NEDD4L: variants seen among roughly 807,000 people sequenced by gnomAD.
The protein encoded by NEDD4L is NEDD4 like E3 ubiquitin protein ligase, also known as E3 ubiquitin-protein ligase NEDD4-like.
A neutral mutation model predicts 148.9 loss-of-function variants in NEDD4L; 54 were observed. The observed-to-expected ratio is 0.36, with a 90% CI of 0.29 to 0.45. The LOEUF (loss-of-function observed/expected upper bound fraction) is 0.45. NEDD4L is among the 20% of genes least tolerant of loss of function. The probability of loss-of-function intolerance (pLI) is 1.00; values close to 1 mark genes in which losing one functional copy is unlikely to be tolerated. For missense variants in NEDD4L, 856 were observed against 1,233.8 expected, an observed-to-expected ratio of 0.69 and a Z score of 4.59; for synonymous variants, 433 against 440.7, an observed-to-expected ratio of 0.98 and a Z score of 0.22.
chr18:58,231,496 T>G (rs1313243593), intron 2 of NEDD4L, among the ~76,000 whole-genome samples: 1 of 152,044 alleles, frequency 6.6e-6, no homozygotes, highest in Non-Finnish European at 1.5e-5. Flanking sequence ...CTGAGCACCC[T>G]GAAAACTGTG....
At chr18:58,242,587 A>C (rs1600147775) in intron 2 of NEDD4L, among the ~76,000 whole-genome samples, 1 of 150,114 alleles carries the variant, frequency 6.7e-6, no homozygotes, top group African/African-American at 2.5e-5. Context: ...TGCAGCCTCC[A>C]CCTCCCAGGC....
intron 11 of NEDD4L, among the ~76,000 whole-genome samples, chr18:58,331,143 C>T (rs188030939): frequency 6.6e-6 from 1 of 152,250 alleles, no homozygotes; most frequent in African/African-American, 2.4e-5. Flanking sequence ...ACCCTTATAC[C>T]ACTAACACTT....
rs200735273 is a variant in NEDD4L, at chr18:58,254,559, C to T, written c.297+2505C>T. 3.3e-5 allele frequency among the ~76,000 whole-genome samples: 3 copies of T among 90,476 alleles called. No individual in the cohort carries two copies. The East Asian group carries it at 8.2e-4, about 25-fold the overall frequency. The allele number at this position is 90,476 out of a possible 152,430, so 59.4% of individuals were successfully genotyped here. On this transcript the variant is annotated intron_variant, in intron 5 of 30. Coordinates refer to ENST00000400345, the MANE Select transcript of NEDD4L (RefSeq NM_001144967.3). Reference sequence around the variant, plus strand: ...GTGTGGTATTTAAGTTAAATTATTACCAAAAAAAAAAAAAAAAGCCCACAT... The same window carrying T: ...GTGTGGTATTTAAGTTAAATTATTATCAAAAAAAAAAAAAAAAGCCCACAT...
intron 1 of NEDD4L, among the ~76,000 whole-genome samples, chr18:58,144,276 G>A (rs959689948): frequency 3.9e-5 from 6 of 152,064 alleles, no homozygotes; most frequent in Admixed American, 6.5e-5. Context: ...ACATCTGCTC[G>A]GCTACTGGGG....
intron 1 of NEDD4L, among the ~76,000 whole-genome samples, chr18:58,049,536 C>T (rs1363650439): frequency 6.6e-6 from 1 of 152,134 alleles, no homozygotes; most frequent in Non-Finnish European, 1.5e-5. Flanking sequence ...GTCCAAGTGC[C>T]TGTGTCGGGC....
At chr18:58,163,977 C>T (rs969943559) in intron 1 of NEDD4L, among the ~76,000 whole-genome samples, 1 of 151,862 alleles carries the variant, frequency 6.6e-6, no homozygotes, top group Non-Finnish European at 1.5e-5. Context: ...AAATGAATTT[C>T]ATATTACTAC....
At chr18:58,212,911 A>G (rs377298273) in intron 2 of NEDD4L, among the ~76,000 whole-genome samples, 3 of 152,238 alleles carry the variant, frequency 2.0e-5, no homozygotes, top group East Asian at 3.9e-4. Context: ...CAGAGGAAAA[A>G]TGGACAAAGA....
chr18:58,052,830 G>C lies in NEDD4L; in HGVS notation c.48+8122G>C, dbSNP rs924237259. Reference sequence around the variant, plus strand: ...AAAATACAAAAATTAGCTGGGCGTCGTGGCGTGCCCCTGTAATCCCAGCTA... The same window carrying C: ...AAAATACAAAAATTAGCTGGGCGTCCTGGCGTGCCCCTGTAATCCCAGCTA... On this transcript the variant is annotated intron_variant, in intron 1 of 30. Coordinates refer to ENST00000400345, the MANE Select transcript of NEDD4L (RefSeq NM_001144967.3). 7.2e-5 allele frequency among the ~76,000 whole-genome samples: 11 copies of C among 152,170 alleles called. 1 individual carries two copies. The South Asian group carries it at 1.0e-3, about 14-fold the overall frequency.
At chr18:58,143,123 G>T (rs951932771) in intron 1 of NEDD4L, among the ~76,000 whole-genome samples, 1 of 152,206 alleles carries the variant, frequency 6.6e-6, no homozygotes, top group African/African-American at 2.4e-5. Flanking sequence ...TACTGGCGTA[G>T]CTAGTTTATA....
Position 58,239,738 on chromosome 18 carries a change from C to G in NEDD4L, c.123-5689C>G, listed in dbSNP as rs1180412722. On this transcript the variant is annotated intron_variant, in intron 2 of 30. Coordinates refer to ENST00000400345, the MANE Select transcript of NEDD4L (RefSeq NM_001144967.3). ...AAATCTCATTCTCAACTCTCCCTGA[C>G]AGATGACCTCGTCTGCGCTGTCTTT... 3.3e-5 allele frequency among the ~76,000 whole-genome samples: 5 copies of G among 152,324 alleles called. No homozygotes were observed. In the East Asian group the frequency reaches 5.8e-4, roughly 18 times the overall value.
intron 13 of NEDD4L, among the ~76,000 whole-genome samples, chr18:58,340,155 C>G (rs1205621593): frequency 6.6e-6 from 1 of 152,182 alleles, no homozygotes; most frequent in African/African-American, 2.4e-5. Flanking sequence ...TTCAAGCCCT[C>G]CTGGGACAGC....
chr18:58,347,890 A>G (rs535356057), intron 16 of NEDD4L, among the ~76,000 whole-genome samples: 1 of 152,300 alleles, frequency 6.6e-6, no homozygotes, highest in South Asian at 2.1e-4. Context: ...CCCTATTATA[A>G]AATTGAATGA....
intron 1 of NEDD4L, among the ~76,000 whole-genome samples, chr18:58,108,483 C>T (rs558719720): frequency 5.3e-5 from 8 of 152,138 alleles, no homozygotes; most frequent in Non-Finnish European, 1.0e-4. Flanking sequence ...TGCAGTGGTG[C>T]GATCTCAGCT....
intron 24 of NEDD4L, among the ~76,000 whole-genome samples, chr18:58,377,405 A>G (rs1362135929): frequency 6.6e-6 from 1 of 151,982 alleles, no homozygotes; most frequent in Non-Finnish European, 1.5e-5. Context: ...TTTTTTTTTA[A>G]TTTCACAGTT....
intron 1 of NEDD4L, among the ~76,000 whole-genome samples, chr18:58,123,823 C>T (rs575576447): frequency 1.3e-5 from 2 of 152,242 alleles, no homozygotes; most frequent in South Asian, 2.1e-4. Context: ...CCTGCTGCCG[C>T]GGAGGCTTCC....
intron 3 of NEDD4L, 60 bp downstream of exon 3, chr18:58,245,568 G>A (rs2047151673): frequency 3.5e-6 from 3 of 858,542 alleles, no homozygotes; most frequent in Non-Finnish European, 5.6e-6. Flanking sequence ...ATTATGCACA[G>A]TCATGTGCTG....
At chr18:58,206,749 T>C (rs767435309) in intron 2 of NEDD4L, among the ~76,000 whole-genome samples, 65 of 152,122 alleles carry the variant, frequency 4.3e-4, no homozygotes, top group Non-Finnish European at 1.2e-4. Context: ...CTGGCTGAGG[T>C]TGGAGGCATT....
At chr18:58,224,258 C>T (rs542772340) in intron 2 of NEDD4L, among the ~76,000 whole-genome samples, 14 of 152,356 alleles carry the variant, frequency 9.2e-5, no homozygotes, top group African/African-American at 3.1e-4. Context: ...AACCCTGTCA[C>T]GTTATCAGAG....
intron 24 of NEDD4L, among the ~76,000 whole-genome samples, chr18:58,381,712 A>G (rs1379134909): frequency 1.3e-5 from 2 of 152,192 alleles, no homozygotes; most frequent in Non-Finnish European, 2.9e-5. Context: ...AATGGGGAAA[A>G]GAAGAAAAGC....
Sources: gnomAD v4.1 joint callset for allele counts (sites outside exome capture counted in the v4.1 genomes callset) on GRCh38, gnomAD v4.1.1 for gene constraint, MANE v1.5 for transcripts, NCBI Gene and HGNC (gene_info 2026-07-23, HGNC 2026-07-21) for gene names.